Variants in DCAF12 observed in about 807,000 individuals in gnomAD.
DCAF12 encodes the protein DDB1 and CUL4 associated factor 12, also known as DDB1- and CUL4-associated factor 12.
A neutral mutation model predicts 52.8 loss-of-function variants in DCAF12; 28 were observed. The ratio of observed to expected loss-of-function variants is 0.53; its 90% CI spans 0.39 to 0.73. The LOEUF (loss-of-function observed/expected upper bound fraction) is 0.73. DCAF12 is among the 30% of genes least tolerant of loss of function. The pLI is 0.00. For synonymous variants in DCAF12, 196 were observed against 215.5 expected (o/e 0.91, Z 0.79); for missense variants, 425 against 552.2 (o/e 0.77, Z 2.31).
At chr9:34,095,156 C>G (rs1828715769) in intron 6 of DCAF12, among the ~76,000 whole-genome samples, 1 of 151,396 alleles carries the variant, frequency 6.6e-6, no homozygotes, top group East Asian at 2.0e-4. Context: ...CTCACTGCAA[C>G]CTCTGCCTCC....
Position 34,125,279 on chromosome 9 carries a change from T to C in DCAF12, c.79-2A>G, listed in dbSNP as rs769628288. 1 of 1,613,616 alleles carries C rather than the reference T, an allele frequency of 6.2e-7. No homozygotes were observed. Among genetic ancestry groups the C allele is most frequent in the South Asian group, 1.1e-5 (1 of 91,038 alleles). ...GTGAAGCGAGTGATCCCAGCCAAAC[T>C]GTGGAAACAACATTAGAAATCAGGG... On this transcript the variant is annotated splice_acceptor_variant, in intron 1 of 8. Transcript: ENST00000361264. LOFTEE classifies it high-confidence loss of function.
intron 6 of DCAF12, among the ~76,000 whole-genome samples, chr9:34,095,624 A>G (rs538036241): frequency 1.3e-5 from 2 of 152,016 alleles, no homozygotes; most frequent in Non-Finnish European, 1.5e-5. Flanking sequence ...CCTGGGCTCA[A>G]GCAATCCTCC....
At chr9:34,090,889 C>G (rs1828632456) in intron 7 of DCAF12, among the ~76,000 whole-genome samples, 1 of 151,910 alleles carries the variant, frequency 6.6e-6, no homozygotes, top group Admixed American at 6.6e-5. Context: ...AACTCCTGAC[C>G]TCAGGTGATC....
chr9:34,124,571 T>C (rs1829218808), intron 2 of DCAF12, among the ~76,000 whole-genome samples: 1 of 152,260 alleles, frequency 6.6e-6, no homozygotes, highest in South Asian at 2.1e-4. Flanking sequence ...TTTCAGTTTA[T>C]ACATTTTTAG....
At chr9:34,117,445 C>T (rs936059452) in intron 2 of DCAF12, among the ~76,000 whole-genome samples, 4 of 151,920 alleles carry the variant, frequency 2.6e-5, no homozygotes, top group Admixed American at 6.6e-5. Flanking sequence ...CCACCGCGCC[C>T]GGCCTCTAAT....
chr9:34,089,412 C>A lies in DCAF12; in HGVS notation c.1203G>T (p.Leu401=). 1 of 1,611,042 alleles carries A rather than the reference C, an allele frequency of 6.2e-7. No homozygotes were observed. Among genetic ancestry groups the A allele is most frequent in the Non-Finnish European group, 8.5e-7 (1 of 1,178,252 alleles). The change falls in exon 8 of 9, where the codon CTG becomes CTT. Residue 401 remains leucine, a splice_region_variant and synonymous_variant. Coordinates refer to ENST00000361264, the MANE Select transcript of DCAF12 (RefSeq NM_015397.4). The part of the protein sequence containing the change: ...NLKLTTGKGW[L]NHDETWRNYF... ...TCATCTCAGGTAGGGGCTTACGCAC[C>A]AGCCAGCCTTTGCCAGTGGTTAGTT...
intron 2 of DCAF12, among the ~76,000 whole-genome samples, chr9:34,122,417 C>A (rs1360892116): frequency 6.6e-6 from 1 of 151,914 alleles, no homozygotes; most frequent in Non-Finnish European, 1.5e-5. Flanking sequence ...CAAATCTGTT[C>A]CTTAACATTC....
chr9:34,126,263 G>A, intron 1 of DCAF12, 91 bp downstream of exon 1: 1 of 1,507,556 alleles, frequency 6.6e-7, no homozygotes, highest in Non-Finnish European at 9.0e-7. Context: ...TGCAGACCCT[G>A]GACCCCGATT....
intron 2 of DCAF12, among the ~76,000 whole-genome samples, chr9:34,107,814 C>A (rs1828928451): frequency 6.6e-6 from 1 of 152,126 alleles, no homozygotes; most frequent in Non-Finnish European, 1.5e-5. Flanking sequence ...TAAGTTCTGC[C>A]TGGGATTCAG....
intron 4 of DCAF12, among the ~76,000 whole-genome samples, chr9:34,100,609 C>T (rs1279587346): frequency 6.6e-6 from 1 of 151,834 alleles, no homozygotes; most frequent in African/African-American, 2.4e-5. Context: ...ATCCTCTCAC[C>T]TCAGCCTCCT....
intron 4 of DCAF12, among the ~76,000 whole-genome samples, chr9:34,100,489 C>T (rs1587734023): frequency 1.3e-5 from 2 of 149,402 alleles, no homozygotes; most frequent in Non-Finnish European, 3.0e-5. Flanking sequence ...TGAGACACCA[C>T]GCCCAGCTTC....
chr9:34,097,939 G>GA (rs74326483), intron 5 of DCAF12, among the ~76,000 whole-genome samples: 29,797 of 97,978 alleles, frequency 0.3, 3,123 homozygotes, highest in Middle Eastern at 0.42. Flanking sequence ...GTCTCAAAAA[G>GA]AAAAAAAAAA....
In DCAF12 at chr9:34,093,272, A is replaced by G. The variant is rs578219602; in HGVS notation, c.1024+14T>C. 14 of 1,613,990 alleles carry G rather than the reference A, an allele frequency of 8.7e-6. No individual in the cohort carries two copies. The highest frequency in any genetic ancestry group is 1.2e-5 in the Non-Finnish European group (14 of 1,179,966). Reference sequence around the variant, plus strand: ...GTGCAGCTGTAGGCCTGAGGTGCACACAGGGACTCTTACCACTGCCTCGCT... The same window carrying G: ...GTGCAGCTGTAGGCCTGAGGTGCACGCAGGGACTCTTACCACTGCCTCGCT... On this transcript the variant is annotated intron_variant, in intron 7 of 8. Transcript: ENST00000361264.
At chr9:34,101,238 ATTT>A (rs1828824966) in intron 4 of DCAF12, among the ~76,000 whole-genome samples, 1 of 151,434 alleles carries the variant, frequency 6.6e-6, no homozygotes, top group Non-Finnish European at 1.5e-5. Context: ...TGCCCAGGTA[ATTT>A]TTTATTTTCA....
chr9:34,091,882 C>T (rs905163037), intron 7 of DCAF12, among the ~76,000 whole-genome samples: 2 of 152,026 alleles, frequency 1.3e-5, no homozygotes, highest in East Asian at 3.8e-4. Context: ...CTAGCTGTTC[C>T]CCCATCAAGC....
chr9:34,115,800 C>T (rs77130329), intron 2 of DCAF12, among the ~76,000 whole-genome samples: 1,702 of 151,846 alleles, frequency 0.011, 37 homozygotes, highest in African/African-American at 0.039. Context: ...GTAATAAAAC[C>T]CACCTGGGCT....
intron 4 of DCAF12, among the ~76,000 whole-genome samples, chr9:34,100,347 C>T (rs1361971398): frequency 6.6e-6 from 1 of 151,686 alleles, no homozygotes; most frequent in Non-Finnish European, 1.5e-5. Flanking sequence ...TACAGAGGCC[C>T]GTCACCACGC....
intron 4 of DCAF12, 61 bp from the exon 5 acceptor site, chr9:34,098,578 G>A: frequency 6.5e-7 from 1 of 1,534,072 alleles, no homozygotes; most frequent in Admixed American, 1.9e-5. Flanking sequence ...AAATCCCACA[G>A]ACGCCAAAGA....
Position 34,126,599 on chromosome 9 carries a change from G to T in DCAF12, c.-168C>A. The T allele has an allele frequency of 1.4e-6, 1 of 725,202 alleles. No homozygotes were observed. The allele number at this position is 725,202 out of a possible 1,614,324, so 44.9% of individuals were successfully genotyped here. ...CAGAAAAAAGATAGGCGGAAAGAAA[G>T]GAAAGAGAGAGGAAGGACTTGAGCC... is the stretch of plus-strand genomic sequence containing the variant. On this transcript the variant is annotated 5_prime_UTR_variant, in exon 1 of 9. Coordinates refer to ENST00000361264, the MANE Select transcript of DCAF12 (RefSeq NM_015397.4).
Sources: allele counts gnomAD v4.1 joint callset (sites outside exome capture counted in the v4.1 genomes callset), GRCh38; gene constraint gnomAD v4.1.1; transcripts MANE v1.5; gene names NCBI Gene and HGNC (gene_info 2026-07-23, HGNC 2026-07-21).